Variants in TNN observed in about 807,000 individuals in gnomAD.
TNN encodes tenascin-N.
Under a neutral mutation model 134.4 loss-of-function variants are expected in TNN, and 122 were observed. That is an observed-to-expected ratio of 0.91 (90% CI 0.78 to 1.06). The LOEUF (loss-of-function observed/expected upper bound fraction) is 1.06. Ranked by LOEUF, TNN falls within the 50% of genes least tolerant of loss-of-function variation. TNN has a pLI of 0.00. For missense variants in TNN, 1,739 were observed against 1,699.4 expected (o/e 1.02, Z -0.41); for synonymous variants, 710 against 670.3 (o/e 1.06, Z -0.91).
chr1:175,110,963 T>A (rs1309330835), intron 9 of TNN, among the ~76,000 whole-genome samples: 1 of 150,768 alleles, frequency 6.6e-6, no homozygotes, highest in Middle Eastern at 3.2e-3. Context: ...TCATTTGAGG[T>A]CAGGAGTTCA....
At chr1:175,094,426 TCAAA>T (rs1674522054) in intron 7 of TNN, among the ~76,000 whole-genome samples, 173 bp downstream of exon 7, 2 of 152,196 alleles carry the variant, frequency 1.3e-5, no homozygotes, top group Non-Finnish European at 2.9e-5. Context: ...CTTTTTAACA[TCAAA>T]CAAAAGAGAT....
rs754069048 is a variant in TNN, at chr1:175,123,535, T to C, written c.2786T>C (p.Val929Ala). ...YTSADGETRE[V>A]PVGKEHSSTV... ...TCTGCTGACGGAGAGACCAGGGAGG[T>C]TCCGGTGGGGAAGGAGCACAGCAGC... The change falls in exon 12 of 19, where the codon GTT (valine) becomes GCT (alanine). Residue 929 changes from valine to alanine, a missense_variant. By Grantham distance (64) the Val-to-Ala change is moderately conservative. Coordinates refer to ENST00000239462, the MANE Select transcript of TNN (RefSeq NM_022093.2). 1 of 1,613,346 alleles carries C rather than the reference T, an allele frequency of 6.2e-7. No individual in the cohort carries two copies. Among genetic ancestry groups the C allele is most frequent in the South Asian group, 1.1e-5 (1 of 91,010 alleles).
intron 6 of TNN, among the ~76,000 whole-genome samples, chr1:175,088,993 G>A (rs1172695885): frequency 6.6e-6 from 1 of 152,204 alleles, no homozygotes; most frequent in African/African-American, 2.4e-5. Context: ...ATACTGGAAT[G>A]TTGTTACTCA....
chr1:175,144,801 C>T (rs927043174), intron 18 of TNN, among the ~76,000 whole-genome samples: 4 of 152,274 alleles, frequency 2.6e-5, no homozygotes, highest in Non-Finnish European at 5.9e-5. Flanking sequence ...TTGGGCTGCC[C>T]ACTGCCATGT....
At position 175,097,545 on chromosome 1, in the gene TNN, A is replaced by T. The variant is rs762071581; in HGVS notation, c.1717A>T (p.Thr573Ser). The T allele has an allele frequency of 1.9e-6, 3 of 1,614,146 alleles. No homozygotes were observed. The highest frequency in any genetic ancestry group is 8.5e-7 in the Non-Finnish European group (1 of 1,180,026). Residue 573 changes from threonine to serine, a missense_variant, in exon 8 of 19, where the codon ACC becomes TCC. Coordinates refer to ENST00000239462, the MANE Select transcript of TNN (RefSeq NM_022093.2). ...CTACACCTCTGCTGACGACCAAGAGACCAGAGAGGTTCTGGTGGGGAAGGA... is the reference window on the plus strand; with the variant it reads ...CTACACCTCTGCTGACGACCAAGAGTCCAGAGAGGTTCTGGTGGGGAAGGA... The part of the protein sequence containing the change: ...VRYTSADDQE[T>S]REVLVGKEQS...
At chr1:175,136,685 C>A in intron 16 of TNN, 136 bp from the exon 17 acceptor site, 1 of 762,320 alleles carries the variant, frequency 1.3e-6, no homozygotes, top group Non-Finnish European at 2.1e-6. Flanking sequence ...AGAGAAAGTG[C>A]TGAGACTGCC....
intron 13 of TNN, 42 bp downstream of exon 13, chr1:175,127,127 T>G: frequency 6.3e-7 from 1 of 1,597,526 alleles, no homozygotes; most frequent in East Asian, 2.2e-5. Context: ...CCTTCTCTTC[T>G]GTGTGAAGCA....
chr1:175,136,462 G>C (rs551168295), intron 16 of TNN, among the ~76,000 whole-genome samples: 12 of 152,202 alleles, frequency 7.9e-5, no homozygotes, highest in Non-Finnish European at 1.6e-4. Flanking sequence ...TTTGTGGTTT[G>C]CTCAGTGTAA....
At chr1:175,135,403 G>T (rs757189255) in intron 15 of TNN, among the ~76,000 whole-genome samples, 3 of 151,990 alleles carry the variant, frequency 2.0e-5, no homozygotes, top group Non-Finnish European at 4.4e-5. Context: ...TTAAGAATCA[G>T]GTGAATTAAA....
chr1:175,079,204 A>ACC, intron 2 of TNN, 129 bp from the exon 3 acceptor site: 2 of 1,154,356 alleles, frequency 1.7e-6, no homozygotes, highest in Non-Finnish European at 2.3e-6. Flanking sequence ...GCCGTGCAAG[A>ACC]CCCAGAAATC....
chr1:175,118,174 T>C (rs1191348560), intron 10 of TNN, among the ~76,000 whole-genome samples: 12 of 152,218 alleles, frequency 7.9e-5, no homozygotes, highest in Admixed American at 6.5e-5. Context: ...ACTGACATGA[T>C]GTGAGACACA....
At chr1:175,108,980 C>A (rs182896503) in intron 9 of TNN, among the ~76,000 whole-genome samples, 1 of 151,694 alleles carries the variant, frequency 6.6e-6, no homozygotes, top group East Asian at 1.9e-4. Flanking sequence ...GTGCCAAGAG[C>A]AAGTGAGGGC....
intron 1 of TNN, among the ~76,000 whole-genome samples, chr1:175,071,761 C>G (rs1673919914): frequency 6.6e-6 from 1 of 152,144 alleles, no homozygotes; most frequent in Non-Finnish European, 1.5e-5. Flanking sequence ...GGACCTGTCA[C>G]AAAGAATGAT....
chr1:175,133,362 C>T (rs1194427926), intron 15 of TNN, among the ~76,000 whole-genome samples: 45 of 152,156 alleles, frequency 3.0e-4, no homozygotes, highest in Admixed American at 2.7e-3. Flanking sequence ...TTCTTTGGCC[C>T]GTTCCAGTTT....
chr1:175,127,897 G>A, intron 13 of TNN, 135 bp from the exon 14 acceptor site: 3 of 1,057,876 alleles, frequency 2.8e-6, no homozygotes, highest in Non-Finnish European at 4.2e-6. Context: ...GGCTGCCACT[G>A]AGGCTTCGGA....
intron 16 of TNN, 149 bp from the exon 17 acceptor site, chr1:175,136,672 A>C (rs557852596): frequency 1.4e-6 from 1 of 706,570 alleles, no homozygotes; most frequent in Non-Finnish European, 2.3e-6. Context: ...ATGAGCCCCC[A>C]AAAGAGAAAG....
chr1:175,124,288 TA>T (rs1364465483), intron 12 of TNN, among the ~76,000 whole-genome samples: 2 of 152,254 alleles, frequency 1.3e-5, no homozygotes, highest in Non-Finnish European at 2.9e-5. Context: ...CTATGGTTTT[TA>T]TTAGTTAAAA....
chr1:175,122,216 T>TAC (rs1553318131), intron 11 of TNN, among the ~76,000 whole-genome samples: 1 of 75,990 alleles, frequency 1.3e-5, no homozygotes, highest in Admixed American at 1.4e-4. Flanking sequence ...ATCCTGTCTT[T>TAC]ACAAAAAAAA....
intron 11 of TNN, among the ~76,000 whole-genome samples, chr1:175,120,461 G>A (rs968039768): frequency 6.6e-6 from 1 of 152,192 alleles, no homozygotes; most frequent in African/African-American, 2.4e-5. Context: ...TCTGTAGAAT[G>A]TCCAGGGCTG....
Sources: gnomAD v4.1 joint callset for allele counts (sites outside exome capture counted in the v4.1 genomes callset) on GRCh38, gnomAD v4.1.1 for gene constraint, MANE v1.5 for transcripts, NCBI Gene and HGNC (gene_info 2026-07-23, HGNC 2026-07-21) for gene names.